The following IL1RAPL2 variants were observed in gnomAD, a reference collection of about 807,000 sequenced individuals.
IL1RAPL2 encodes interleukin 1 receptor accessory protein like 2.
Under a neutral mutation model 44.1 loss-of-function variants are expected in IL1RAPL2, and 3 were observed. That is an observed-to-expected ratio of 0.07 (90% CI 0.03 to 0.18). IL1RAPL2 has a LOEUF of 0.18. Ranked by LOEUF, IL1RAPL2 falls within the 10% of genes least tolerant of loss-of-function variation. The pLI is 1.00. For synonymous variants in IL1RAPL2, 181 were observed against 178.8 expected (o/e 1.01, Z -0.10); for missense variants, 391 against 496.4 (o/e 0.79, Z 2.02).
chrX:105,100,410 G>C (rs1244686824), intron 2 of IL1RAPL2, among the ~76,000 whole-genome samples: 2 of 111,910 alleles, frequency 1.8e-5, no homozygotes, highest in Admixed American at 1.9e-4. Flanking sequence ...ATAATGGATG[G>C]AGGGATTCCT....
At chrX:105,492,055 A>T (rs2036323868) in intron 6 of IL1RAPL2, among the ~76,000 whole-genome samples, 1 of 111,857 alleles carries the variant, frequency 8.9e-6, no homozygotes, top group African/African-American at 3.2e-5. Context: ...GTGTTTCATC[A>T]TATTTTTAAA....
intron 2 of IL1RAPL2, among the ~76,000 whole-genome samples, chrX:105,086,310 C>A (rs751488537): frequency 1.8e-5 from 2 of 111,304 alleles, no homozygotes; most frequent in African/African-American, 6.6e-5. Flanking sequence ...CCTTAAAAAG[C>A]AAATGAAATC....
intron 6 of IL1RAPL2, among the ~76,000 whole-genome samples, chrX:105,678,098 A>T (rs2061466355): frequency 8.9e-6 from 1 of 112,019 alleles, no homozygotes; most frequent in Non-Finnish European, 1.9e-5. Context: ...TGTATAGAGA[A>T]TAGAGGTGAA....
intron 9 of IL1RAPL2, among the ~76,000 whole-genome samples, chrX:105,751,204 G>C (rs1289359687): frequency 4.5e-5 from 5 of 110,675 alleles, no homozygotes; most frequent in African/African-American, 1.6e-4. Context: ...GAATCCAGGA[G>C]TTCAGGGTTG....
chrX:104,588,350 T>C (rs374477920), intron 1 of IL1RAPL2, among the ~76,000 whole-genome samples: 1 of 111,346 alleles, frequency 9.0e-6, no homozygotes, highest in South Asian at 3.8e-4. Flanking sequence ...TCTGGAGGTA[T>C]TTATCCCCCA....
chrX:105,433,837 A>G (rs182021664), intron 5 of IL1RAPL2, among the ~76,000 whole-genome samples: 16 of 111,439 alleles, frequency 1.4e-4, no homozygotes, highest in Non-Finnish European at 3.0e-4. Flanking sequence ...AATGATATGG[A>G]TATGTCACCA....
At chrX:104,926,644 C>A (rs949840292) in intron 2 of IL1RAPL2, among the ~76,000 whole-genome samples, 1 of 111,774 alleles carries the variant, frequency 8.9e-6, no homozygotes, top group Non-Finnish European at 1.9e-5. Flanking sequence ...TGTTAGTGTT[C>A]TCTCTTGCAT....
intron 7 of IL1RAPL2, among the ~76,000 whole-genome samples, chrX:105,738,521 C>G (rs1728704480): frequency 9.0e-6 from 1 of 111,371 alleles, no homozygotes; most frequent in South Asian, 3.8e-4. Context: ...ATGAGAATTA[C>G]TTCTGCTTCT....
intron 5 of IL1RAPL2, among the ~76,000 whole-genome samples, chrX:105,345,799 T>C (rs2035106510): frequency 9.0e-6 from 1 of 111,692 alleles, no homozygotes; most frequent in Admixed American, 9.6e-5. Context: ...CTTCTAAGTC[T>C]CAAATTAAAA....
At chrX:105,392,136 A>G (rs1047776115) in intron 5 of IL1RAPL2, among the ~76,000 whole-genome samples, 1 of 109,078 alleles carries the variant, frequency 9.2e-6, no homozygotes, top group East Asian at 2.9e-4. Context: ...CCTAAAACTT[A>G]AAGTATAATA....
chrX:104,766,194 G>A (rs1932549507), intron 2 of IL1RAPL2, among the ~76,000 whole-genome samples: 1 of 112,272 alleles, frequency 8.9e-6, no homozygotes, highest in Admixed American at 9.4e-5. Flanking sequence ...ATTTTATTAA[G>A]AGGAAAGGGG....
chrX:104,989,476 T>C (rs1258449409), intron 2 of IL1RAPL2, among the ~76,000 whole-genome samples: 1 of 111,880 alleles, frequency 8.9e-6, no homozygotes, highest in Non-Finnish European at 1.9e-5. Context: ...TTTTCCAGTT[T>C]GAATCTTCTT....
chrX:104,657,745 G>T (rs1257687610), intron 1 of IL1RAPL2, among the ~76,000 whole-genome samples: 1 of 110,995 alleles, frequency 9.0e-6, no homozygotes, highest in African/African-American at 3.3e-5. Context: ...CTAATGTCCA[G>T]AATCTACAAA....
intron 2 of IL1RAPL2, among the ~76,000 whole-genome samples, chrX:105,173,984 C>T (rs774437588): frequency 2.7e-5 from 3 of 110,956 alleles, no homozygotes; most frequent in African/African-American, 9.9e-5. Flanking sequence ...CCACCTGTCT[C>T]GGCCTCCCAA....
intron 2 of IL1RAPL2, among the ~76,000 whole-genome samples, chrX:104,841,895 G>T (rs1014840580): frequency 1.8e-5 from 2 of 109,923 alleles, no homozygotes; most frequent in Admixed American, 2.0e-4. Flanking sequence ...TGAGTATCTT[G>T]GTGGTGTTCT....
At chrX:104,871,007 C>A (rs1464738090) in intron 2 of IL1RAPL2, among the ~76,000 whole-genome samples, 1 of 110,443 alleles carries the variant, frequency 9.1e-6, no homozygotes, top group Non-Finnish European at 1.9e-5. Flanking sequence ...AAACTTTCCC[C>A]TGAGACTCTG....
At chrX:105,147,805 C>T (rs2033192218) in intron 2 of IL1RAPL2, among the ~76,000 whole-genome samples, 1 of 111,476 alleles carries the variant, frequency 9.0e-6, no homozygotes, top group African/African-American at 3.3e-5. Flanking sequence ...TATGAATATT[C>T]ATGTACAAGT....
At chrX:105,226,385 C>CTTTTTT (rs35192051) in intron 3 of IL1RAPL2, among the ~76,000 whole-genome samples, 8 of 53,352 alleles carry the variant, frequency 1.5e-4, no homozygotes, top group African/African-American at 4.8e-4. Context: ...TTTCTTTTCC[C>CTTTTTT]TTTTTTTTTT....
chrX:104,684,852 ACT>A (rs202232711), intron 2 of IL1RAPL2, among the ~76,000 whole-genome samples: 3 of 111,778 alleles, frequency 2.7e-5, no homozygotes, highest in East Asian at 5.7e-4. Context: ...TAACTTCCAC[ACT>A]CTGATTTGCC....
Sources: allele counts gnomAD v4.1 joint callset (sites outside exome capture counted in the v4.1 genomes callset), GRCh38; gene constraint gnomAD v4.1.1; transcripts MANE v1.5; gene names NCBI Gene and HGNC (gene_info 2026-07-23, HGNC 2026-07-21).